The following FBXL7 variants were observed in gnomAD, a reference collection of about 807,000 sequenced individuals.
The protein encoded by FBXL7 is F-box/LRR-repeat protein 7.
A neutral mutation model predicts 38.3 loss-of-function variants in FBXL7; 12 were observed. That is an observed-to-expected ratio of 0.31 (90% CI 0.20 to 0.51). The LOEUF is 0.51. Ranked by LOEUF, FBXL7 falls within the 20% of genes least tolerant of loss-of-function variation. The pLI is 0.98. For missense variants in FBXL7, 567 were observed against 676.4 expected (o/e 0.84, Z 1.79); for synonymous variants, 297 against 300.9 (o/e 0.99, Z 0.13).
At chr5:15,801,671 GTGTGTGTT>G (rs2126741926) in intron 2 of FBXL7, among the ~76,000 whole-genome samples, 1 of 151,458 alleles carries the variant, frequency 6.6e-6, no homozygotes, top group Admixed American at 6.6e-5. Context: ...GCGCGCGTGT[GTGTGTGTT>G]TGTGTGTGTG....
intron 2 of FBXL7, among the ~76,000 whole-genome samples, chr5:15,889,095 G>A (rs533681911): frequency 7.9e-5 from 12 of 152,124 alleles, no homozygotes; most frequent in East Asian, 1.9e-4. Flanking sequence ...AAAGTGGGGC[G>A]GGGGGAAAGA....
rs113472000 is a variant in FBXL7, at chr5:15,758,312, AT to A, written c.127+142253del. 8.8e-3 allele frequency among the ~76,000 whole-genome samples: 1,281 copies of A among 145,764 alleles called. 13 individuals carry two copies. The highest frequency in any genetic ancestry group is 0.03 in the East Asian group (150 of 4,954). On this transcript the variant is annotated intron_variant, in intron 2 of 3. Transcript: ENST00000504595. ...GAGAAAGGACTTTATAAACAAGGGC[AT>A]TTTTTTTTTTTTAATTTTAGAATCA...
At chr5:15,524,719 A>T (rs1242699845) in intron 1 of FBXL7, among the ~76,000 whole-genome samples, 1 of 152,216 alleles carries the variant, frequency 6.6e-6, no homozygotes, top group Non-Finnish European at 1.5e-5. Flanking sequence ...ATCTCTTCTT[A>T]GATGATGTGT....
At chr5:15,859,317 C>T (rs1447587304) in intron 2 of FBXL7, among the ~76,000 whole-genome samples, 1 of 152,192 alleles carries the variant, frequency 6.6e-6, no homozygotes, top group Admixed American at 6.5e-5. Flanking sequence ...CAGAGATCCT[C>T]AACCTAGGGT....
chr5:15,788,045 C>T (rs1378123387), intron 2 of FBXL7, among the ~76,000 whole-genome samples: 2 of 152,080 alleles, frequency 1.3e-5, no homozygotes, highest in East Asian at 1.9e-4. Context: ...CAATTTATGG[C>T]GTTCCTTGAC....
At chr5:15,523,979 T>C (rs1002573659) in intron 1 of FBXL7, among the ~76,000 whole-genome samples, 2 of 152,236 alleles carry the variant, frequency 1.3e-5, no homozygotes, top group Non-Finnish European at 2.9e-5. Flanking sequence ...ATGTGATCTT[T>C]AAGATGACAG....
intron 3 of FBXL7, among the ~76,000 whole-genome samples, chr5:15,930,273 T>G (rs904896818): frequency 2.0e-5 from 3 of 152,318 alleles, no homozygotes; most frequent in African/African-American, 7.2e-5. Flanking sequence ...ACTTTGTGAT[T>G]TAGAAAAGTT....
At chr5:15,507,779 C>T (rs992034944) in intron 1 of FBXL7, among the ~76,000 whole-genome samples, 1 of 152,176 alleles carries the variant, frequency 6.6e-6, no homozygotes, top group Non-Finnish European at 1.5e-5. Flanking sequence ...CATCATGGCT[C>T]ACTCCTATAA....
intron 2 of FBXL7, among the ~76,000 whole-genome samples, chr5:15,698,026 A>G (rs1341920425): frequency 6.6e-6 from 1 of 152,234 alleles, no homozygotes; most frequent in Non-Finnish European, 1.5e-5. Context: ...TAATGCAGCA[A>G]GTTGCAATGT....
At chr5:15,747,925 C>T (rs2126681797) in intron 2 of FBXL7, among the ~76,000 whole-genome samples, 1 of 152,342 alleles carries the variant, frequency 6.6e-6, no homozygotes, top group South Asian at 2.1e-4. Flanking sequence ...TAATACTTTG[C>T]TGGTAATTCT....
intron 2 of FBXL7, among the ~76,000 whole-genome samples, chr5:15,628,974 G>A (rs748438095): frequency 6.6e-5 from 10 of 151,942 alleles, no homozygotes; most frequent in Non-Finnish European, 1.5e-4. Flanking sequence ...GAGCATCTGG[G>A]TTCTTTTAGT....
chr5:15,535,618 G>A (rs1249433118), intron 1 of FBXL7, among the ~76,000 whole-genome samples: 1 of 152,180 alleles, frequency 6.6e-6, no homozygotes, highest in African/African-American at 2.4e-5. Flanking sequence ...AATTTCTAAG[G>A]AGCAGAAATT....
chr5:15,913,919 G>A (rs575856437), intron 2 of FBXL7, among the ~76,000 whole-genome samples: 2 of 152,206 alleles, frequency 1.3e-5, no homozygotes, highest in South Asian at 2.1e-4. Context: ...CAGTTGATGC[G>A]TGACTTAGTT....
intron 1 of FBXL7, among the ~76,000 whole-genome samples, chr5:15,609,265 A>G (rs909891825): frequency 6.6e-6 from 1 of 152,142 alleles, no homozygotes; most frequent in Admixed American, 6.5e-5. Flanking sequence ...TGCTTCTCAC[A>G]CTTGATGAAT....
rs143268859 is a variant in FBXL7 at position 15,862,266 on chromosome 5, T to C, written c.128-65624T>C. Among the ~76,000 whole-genome samples, 359 of 152,284 alleles carry C rather than the reference T, an allele frequency of 2.4e-3. 2 individuals are homozygous for C. The highest frequency in any genetic ancestry group is 8.3e-3 in the African/African-American group (345 of 41,564). On this transcript the variant is annotated intron_variant, in intron 2 of 3. Coordinates refer to ENST00000504595, the MANE Select transcript of FBXL7 (RefSeq NM_012304.5). The stretch of plus-strand genomic sequence containing the variant: ...ATGGTTTTATAAGGGGAAATGCCTT[T>C]CACTTGGCTCTCATTCTTCTCTTGT...
intron 1 of FBXL7, among the ~76,000 whole-genome samples, chr5:15,604,632 G>A (rs1415573984): frequency 6.6e-6 from 1 of 152,176 alleles, no homozygotes; most frequent in Non-Finnish European, 1.5e-5. Context: ...TGGGATTACA[G>A]GCCTGAGCCA....
At chr5:15,933,912 T>C (rs1212247172) in intron 3 of FBXL7, among the ~76,000 whole-genome samples, 1 of 152,126 alleles carries the variant, frequency 6.6e-6, no homozygotes, top group Non-Finnish European at 1.5e-5. Flanking sequence ...AAATGAAAAA[T>C]ATATATACAG....
At chr5:15,797,531 G>A (rs762948921) in intron 2 of FBXL7, among the ~76,000 whole-genome samples, 2 of 152,306 alleles carry the variant, frequency 1.3e-5, no homozygotes, top group African/African-American at 2.4e-5. Context: ...AGCTCACAGA[G>A]TGGTAGAATG....
intron 2 of FBXL7, among the ~76,000 whole-genome samples, chr5:15,620,335 C>T (rs1224483064): frequency 2.0e-5 from 3 of 149,684 alleles, no homozygotes; most frequent in Non-Finnish European, 3.0e-5. Flanking sequence ...CAGGTTCAAG[C>T]GATTCTCCTG....
Sources: gnomAD v4.1 joint callset for allele counts (sites outside exome capture counted in the v4.1 genomes callset) on GRCh38, gnomAD v4.1.1 for gene constraint, MANE v1.5 for transcripts, NCBI Gene and HGNC (gene_info 2026-07-23, HGNC 2026-07-21) for gene names.